RASSF3: variants seen among roughly 807,000 people sequenced by gnomAD.
RASSF3 encodes the protein Ras association domain family member 3.
A neutral mutation model predicts 19.9 loss-of-function variants in RASSF3; 19 were observed. That is an observed-to-expected ratio of 0.96 (90% confidence interval 0.67 to 1.40). The LOEUF (loss-of-function observed/expected upper bound fraction) is 1.40, where lower values mean the gene tolerates loss of function less well. Among genes scored for constraint, RASSF3 ranks in the 40% most tolerant of loss-of-function variants. The pLI is 0.00. For missense variants in RASSF3, 306 were observed against 289.8 expected (o/e 1.06, Z -0.41); for synonymous variants, 110 against 104.2 (o/e 1.06, Z -0.34).
At chr12:64,658,705 G>A (rs984546442) in intron 1 of RASSF3, among the ~76,000 whole-genome samples, 8 of 152,148 alleles carry the variant, frequency 5.3e-5, no homozygotes, top group African/African-American at 1.7e-4. Flanking sequence ...GGAGGCTGAG[G>A]CATGAGAATT....
chr12:64,582,988 A>G (rs1296002563), intron 2 of RASSF3, among the ~76,000 whole-genome samples: 1 of 152,184 alleles, frequency 6.6e-6, no homozygotes, highest in Non-Finnish European at 1.5e-5. Context: ...GCATAGCAGC[A>G]TAAACCCTGG....
At chr12:64,568,695 A>G (rs1216085519) in intron 2 of RASSF3, among the ~76,000 whole-genome samples, 1 of 150,596 alleles carries the variant, frequency 6.6e-6, no homozygotes, top group African/African-American at 2.5e-5. Context: ...CTAAGGTGTA[A>G]TAAGCCTTTT....
At chr12:64,585,593 G>A (rs1434524717) in intron 2 of RASSF3, among the ~76,000 whole-genome samples, 1 of 144,602 alleles carries the variant, frequency 6.9e-6, no homozygotes, top group East Asian at 2.0e-4. Flanking sequence ...CATTTTGCTA[G>A]GCAAGTCCTT....
At chr12:64,543,421 G>GCCCCCCGCCCGCCCCCCC (rs1565836074), downstream of RASSF3, among the ~76,000 whole-genome samples, 3 of 55,880 alleles carry the variant, frequency 5.4e-5, no homozygotes, top group African/African-American at 1.9e-4. Context: ...CCCGCCCCCC[G>GCCCCCCGCCCGCCCCCCC]GCTCCCCGCC....
intron 2 of RASSF3, among the ~76,000 whole-genome samples, chr12:64,593,523 T>G (rs922299310): frequency 2.0e-5 from 3 of 148,708 alleles, no homozygotes; most frequent in African/African-American, 7.6e-5. Context: ...TGGCTGAAGT[T>G]GTGTTTTTTT....
At chr12:64,510,710 G>C (rs529135981) in intron 1 of RASSF3, among the ~76,000 whole-genome samples, 40 of 152,290 alleles carry the variant, frequency 2.6e-4, no homozygotes, top group African/African-American at 8.9e-4. Context: ...TCGTAAATCT[G>C]AATTCAGTAC....
chr12:64,692,946 T>C (rs1322612055), intron 4 of RASSF3, among the ~76,000 whole-genome samples: 1 of 152,116 alleles, frequency 6.6e-6, no homozygotes, highest in Non-Finnish European at 1.5e-5. Flanking sequence ...GACCTCTGTA[T>C]GGTGTTCTTA....
At chr12:64,692,637 C>T (rs1489641130) in intron 4 of RASSF3, among the ~76,000 whole-genome samples, 1 of 152,212 alleles carries the variant, frequency 6.6e-6, no homozygotes, top group African/African-American at 2.4e-5. Context: ...TTAAGCCAGA[C>T]ACATTAGCAT....
intron 1 of RASSF3, among the ~76,000 whole-genome samples, chr12:64,511,431 G>A (rs1245776106): frequency 1.3e-5 from 2 of 151,848 alleles, no homozygotes; most frequent in East Asian, 1.9e-4. Flanking sequence ...GCAGTGAGCC[G>A]AGACCACACC....
At chr12:64,663,527 T>G (rs1470351300) in intron 1 of RASSF3, among the ~76,000 whole-genome samples, 1 of 69,478 alleles carries the variant, frequency 1.4e-5, no homozygotes, top group African/African-American at 4.5e-5. Context: ...GTTATTGTTA[T>G]TTTTTTTTTT....
At position 64,616,796 on chromosome 12, in the gene RASSF3, C is replaced by G. The variant is rs146167173; in HGVS notation, c.111+6053C>G. 7.9e-4 allele frequency among the ~76,000 whole-genome samples: 121 copies of G among 152,248 alleles called. No individual in the cohort carries two copies. In the Middle Eastern group the frequency reaches 0.01, roughly 13 times the overall value. On this transcript the variant is annotated intron_variant, in intron 1 of 4. Transcript: ENST00000542104. ...TTACAAGGCCCCGCTTATTGTTCAC[C>G]CTGTGATGTAAGAGCTTTTAGGACT...
intron 2 of RASSF3, among the ~76,000 whole-genome samples, chr12:64,604,530 G>T (rs992244052): frequency 1.3e-5 from 2 of 152,148 alleles, no homozygotes; most frequent in Non-Finnish European, 2.9e-5. Context: ...AAGCAACCAG[G>T]GTGATAGTTG....
intron 1 of RASSF3, among the ~76,000 whole-genome samples, chr12:64,537,955 C>T (rs756318836): frequency 6.6e-6 from 1 of 151,836 alleles, no homozygotes; most frequent in Non-Finnish European, 1.5e-5. Flanking sequence ...GCCTCCTCTT[C>T]GTCTTGGCCT....
intron 1 of RASSF3, among the ~76,000 whole-genome samples, chr12:64,614,273 A>G (rs922205627): frequency 6.6e-6 from 1 of 151,914 alleles, no homozygotes; most frequent in East Asian, 2.0e-4. Flanking sequence ...AGCTGGGATC[A>G]CAGGCACCTG....
At chr12:64,690,272 C>T (rs376529547) in intron 3 of RASSF3, among the ~76,000 whole-genome samples, 1 of 152,064 alleles carries the variant, frequency 6.6e-6, no homozygotes, top group Non-Finnish European at 1.5e-5. Context: ...ACCTCCGCCT[C>T]CTGGGTTCCA....
At chr12:64,566,486 C>T (rs1592402774) in intron 2 of RASSF3, among the ~76,000 whole-genome samples, 1 of 152,254 alleles carries the variant, frequency 6.6e-6, no homozygotes, top group East Asian at 1.9e-4. Context: ...GTATATCAAA[C>T]AGACCTGGAT....
chr12:64,542,528 C>A (rs571416551), downstream of RASSF3, among the ~76,000 whole-genome samples: 1 of 152,314 alleles, frequency 6.6e-6, no homozygotes, highest in South Asian at 2.1e-4. Flanking sequence ...GGCAGTGATG[C>A]CTGCTCCTCT....
At chr12:64,525,191 A>G (rs1180285751) in intron 1 of RASSF3, among the ~76,000 whole-genome samples, 5 of 152,126 alleles carry the variant, frequency 3.3e-5, no homozygotes, top group Non-Finnish European at 7.4e-5. Context: ...CAGGAGAATC[A>G]CTTGAACCTG....
chr12:64,656,720 G>A (rs901002370), intron 1 of RASSF3, among the ~76,000 whole-genome samples: 2 of 152,156 alleles, frequency 1.3e-5, no homozygotes, highest in African/African-American at 2.4e-5. Flanking sequence ...ACCTACCAGA[G>A]AAATGGGCCT....
Sources: allele counts gnomAD v4.1 joint callset (sites outside exome capture counted in the v4.1 genomes callset), GRCh38; gene constraint gnomAD v4.1.1; transcripts MANE v1.5; gene names NCBI Gene and HGNC (gene_info 2026-07-23, HGNC 2026-07-21).